The following GRIK2 variants were observed in gnomAD, a reference collection of about 807,000 sequenced individuals.
GRIK2 encodes the protein glutamate ionotropic receptor kainate type subunit 2.
A neutral mutation model predicts 100.3 loss-of-function variants in GRIK2; 32 were observed. That is an observed-to-expected ratio of 0.32 (90% CI 0.24 to 0.43). The LOEUF is 0.43. Ranked by LOEUF, GRIK2 falls within the 20% of genes least tolerant of loss-of-function variation. The pLI is 1.00. For synonymous variants in GRIK2, 417 were observed against 389.4 expected, an observed-to-expected ratio of 1.07 and a Z score of -0.83; for missense variants, 843 against 1,114.9, an observed-to-expected ratio of 0.76 and a Z score of 3.47.
At chr6:101,693,120 A>T (rs1340160106) in intron 7 of GRIK2, among the ~76,000 whole-genome samples, 1 of 152,178 alleles carries the variant, frequency 6.6e-6, no homozygotes, top group African/African-American at 2.4e-5. Context: ...CACAGATTAA[A>T]TAAGCAGCAT....
intron 2 of GRIK2, among the ~76,000 whole-genome samples, chr6:101,438,149 G>T (rs1170083077): frequency 6.6e-6 from 1 of 152,072 alleles, no homozygotes; most frequent in African/African-American, 2.4e-5. Flanking sequence ...TAGACATTAA[G>T]TCTCATTGTA....
At chr6:101,579,461 C>A (rs560459005) in intron 2 of GRIK2, among the ~76,000 whole-genome samples, 36 of 149,550 alleles carry the variant, frequency 2.4e-4, no homozygotes, top group African/African-American at 7.4e-4. Flanking sequence ...TTCTTTCTTT[C>A]GCTTTCTCTC....
At chr6:101,868,360 T>G (rs1785183451) in intron 11 of GRIK2, among the ~76,000 whole-genome samples, 1 of 151,768 alleles carries the variant, frequency 6.6e-6, no homozygotes, top group Non-Finnish European at 1.5e-5. Flanking sequence ...TGAGGAAGCA[T>G]GTCCAAAATC....
chr6:101,416,944 G>A (rs760617234), intron 2 of GRIK2, among the ~76,000 whole-genome samples: 1 of 152,164 alleles, frequency 6.6e-6, no homozygotes, highest in South Asian at 2.1e-4. Context: ...TAGTTTCAAT[G>A]TTAGTGCAGC....
intron 14 of GRIK2, among the ~76,000 whole-genome samples, chr6:102,008,117 C>T (rs558890230): frequency 6.6e-6 from 1 of 151,904 alleles, no homozygotes; most frequent in East Asian, 1.9e-4. Context: ...TGTTTTATGC[C>T]AAGGAGATGG....
At chr6:101,635,350 TAACTC>T (rs1429079305) in intron 4 of GRIK2, among the ~76,000 whole-genome samples, 7 of 152,076 alleles carry the variant, frequency 4.6e-5, no homozygotes, top group Admixed American at 1.3e-4. Context: ...AGAAAAAAGT[TAACTC>T]AAGATGGATT....
intron 4 of GRIK2, among the ~76,000 whole-genome samples, chr6:101,634,922 A>G (rs1287106901): frequency 2.0e-5 from 3 of 152,068 alleles, no homozygotes; most frequent in Non-Finnish European, 2.9e-5. Flanking sequence ...TTTTGGAGTT[A>G]GCATAATATA....
chr6:101,802,948 T>G (rs2128414931), intron 9 of GRIK2, among the ~76,000 whole-genome samples: 1 of 151,996 alleles, frequency 6.6e-6, no homozygotes, highest in Middle Eastern at 3.4e-3. Context: ...CTTACTTGAT[T>G]TTATTGCTAG....
intron 2 of GRIK2, among the ~76,000 whole-genome samples, chr6:101,467,684 A>G (rs1240263095): frequency 6.6e-6 from 1 of 152,186 alleles, no homozygotes; most frequent in Non-Finnish European, 1.5e-5. Flanking sequence ...CCGAGTGATT[A>G]TATTTTAAGA....
chr6:101,781,896 T>G (rs753254478), intron 7 of GRIK2, among the ~76,000 whole-genome samples: 9 of 152,074 alleles, frequency 5.9e-5, no homozygotes, highest in Non-Finnish European at 5.9e-5. Context: ...GTTGAAAGTC[T>G]GAGATCAAAG....
intron 11 of GRIK2, among the ~76,000 whole-genome samples, chr6:101,877,035 T>C (rs1785899718): frequency 6.6e-6 from 1 of 151,974 alleles, no homozygotes; most frequent in Non-Finnish European, 1.5e-5. Context: ...TCTGATATGC[T>C]TTTGTATTCC....
chr6:101,611,587 A>C (rs1309307433), intron 2 of GRIK2, among the ~76,000 whole-genome samples: 1 of 151,888 alleles, frequency 6.6e-6, no homozygotes. Context: ...TGTCATTAGA[A>C]ATAAGGTTGA....
At chr6:101,715,196 C>A (rs923139919) in intron 7 of GRIK2, among the ~76,000 whole-genome samples, 1 of 151,630 alleles carries the variant, frequency 6.6e-6, no homozygotes, top group Non-Finnish European at 1.5e-5. Context: ...ATTTGCTCAC[C>A]TTTTTGGTAG....
At chr6:101,530,466 A>G (rs1775385018) in intron 2 of GRIK2, among the ~76,000 whole-genome samples, 2 of 152,056 alleles carry the variant, frequency 1.3e-5, no homozygotes, top group Admixed American at 1.3e-4. Flanking sequence ...ATAGCTATGT[A>G]TAGGTTATGT....
chr6:101,554,114 A>G (rs186944721), intron 2 of GRIK2, among the ~76,000 whole-genome samples: 444 of 152,298 alleles, frequency 2.9e-3, no homozygotes, highest in African/African-American at 9.8e-3. Context: ...GAGTGAAACC[A>G]TAAGCAGTAG....
intron 2 of GRIK2, among the ~76,000 whole-genome samples, chr6:101,433,511 G>A (rs914240315): frequency 2.0e-5 from 3 of 152,164 alleles, no homozygotes; most frequent in African/African-American, 7.2e-5. Context: ...ATTGCAAGTG[G>A]TAGGAGTGCA....
At chr6:101,700,253 T>A (rs1388052971) in intron 7 of GRIK2, among the ~76,000 whole-genome samples, 1 of 151,926 alleles carries the variant, frequency 6.6e-6, no homozygotes, top group Non-Finnish European at 1.5e-5. Flanking sequence ...TTGTTATTGT[T>A]ATTATTTTAG....
intron 2 of GRIK2, among the ~76,000 whole-genome samples, chr6:101,459,994 T>TG (rs1431964215): frequency 3.3e-5 from 5 of 152,122 alleles, no homozygotes; most frequent in Non-Finnish European, 7.4e-5. Context: ...CAATCTTAGG[T>TG]GGTCTGCCCA....
chr6:101,768,939 A>G (rs1778219515), intron 7 of GRIK2, among the ~76,000 whole-genome samples: 2 of 152,198 alleles, frequency 1.3e-5, no homozygotes. Flanking sequence ...TGAAATATTT[A>G]CTATTTTTCT....
Sources: allele counts gnomAD v4.1 joint callset (sites outside exome capture counted in the v4.1 genomes callset), GRCh38; gene constraint gnomAD v4.1.1; transcripts MANE v1.5; gene names NCBI Gene and HGNC (gene_info 2026-07-23, HGNC 2026-07-21).